OPA3: variants seen among roughly 807,000 people sequenced by gnomAD.
The protein encoded by OPA3 is outer mitochondrial membrane lipid metabolism regulator OPA3.
In OPA3, 6 loss-of-function variants were observed where a neutral mutation model predicts 4.0. The ratio of observed to expected loss-of-function variants is 1.51; its 90% confidence interval spans 0.83 to 2.99. The LOEUF is 2.99. Ranked by LOEUF, OPA3 falls within the 30% of genes most tolerant of loss-of-function variation. OPA3 has a pLI of 0.00. For missense variants in OPA3, 235 were observed against 256.2 expected (o/e 0.92, Z 0.56); for synonymous variants, 105 against 117.1 (o/e 0.90, Z 0.67).
Position 45,550,585 on chromosome 19 carries a change from AG to A in OPA3, c.*2928del, listed in dbSNP as rs1405744869. ...TACTACTTCACCACCCTGGGCAGTC[AG>A]CCCCTCACTGGCTGTGGCATCTCTG... On this transcript the variant is annotated 3_prime_UTR_variant, in exon 2 of 2. Coordinates refer to ENST00000263275, the MANE Select transcript of OPA3 (RefSeq NM_025136.4). 4 of 985,998 alleles carry A rather than the reference AG, an allele frequency of 4.1e-6. No individual in the cohort carries two copies. The highest frequency in any genetic ancestry group is 2.4e-6 in the Non-Finnish European group (2 of 830,464). The allele number at this position is 985,998 out of a possible 1,614,324, so 61.1% of individuals were successfully genotyped here.
chr19:45,573,348 G>A (rs568970202), intron 1 of OPA3, among the ~76,000 whole-genome samples: 21 of 152,188 alleles, frequency 1.4e-4, no homozygotes, highest in Admixed American at 1.1e-3. Context: ...CTACTCGGGA[G>A]GCTGAGACAG....
downstream of OPA3, among the ~76,000 whole-genome samples, chr19:45,543,302 C>A (rs546324374): frequency 1.3e-5 from 2 of 148,798 alleles, no homozygotes; most frequent in Non-Finnish European, 3.0e-5. Context: ...TGAGCCACCA[C>A]AACTGGCCTA....
intron 1 of OPA3, among the ~76,000 whole-genome samples, chr19:45,567,110 G>A (rs1048838787): frequency 6.6e-6 from 1 of 151,986 alleles, no homozygotes; most frequent in Non-Finnish European, 1.5e-5. Context: ...GAGGCCAAGC[G>A]GTGAGGATCA....
chr19:45,538,100 CAAAA>C (rs1178598021), intron 1 of OPA3, among the ~76,000 whole-genome samples: 1 of 38,174 alleles, frequency 2.6e-5, no homozygotes, highest in Non-Finnish European at 5.3e-5. Flanking sequence ...GGCTCCATAT[CAAAA>C]AAAAAAAAAA....
chr19:45,576,222 C>T (rs550250289), intron 1 of OPA3, among the ~76,000 whole-genome samples: 5 of 150,828 alleles, frequency 3.3e-5, no homozygotes, highest in African/African-American at 1.2e-4. Context: ...GACCCCCTCT[C>T]AAAAAACAAA....
In OPA3 at chr19:45,548,670, T is replaced by A. The variant is rs1231027263; in HGVS notation, c.*4844A>T. On this transcript the variant is annotated 3_prime_UTR_variant, in exon 2 of 2. Transcript: ENST00000263275. ...GTGTTTTATTTTTTTTATTTTTTTT[T>A]TTTTTGCGGGAGACGCCCTACCAAG... 24 of 983,792 alleles carry A rather than the reference T, an allele frequency of 2.4e-5. No individual in the cohort carries two copies. Among genetic ancestry groups the A allele is most frequent in the Non-Finnish European group, 2.8e-5 (23 of 828,856 alleles). 60.9% of individuals were successfully genotyped at this position (983,792 alleles called of 1,614,324 possible). A position where few individuals can be genotyped will look rare whatever the true frequency, so the allele number is the denominator to read the frequency against.
intron 1 of OPA3, among the ~76,000 whole-genome samples, chr19:45,580,891 C>A (rs992422872): frequency 6.6e-6 from 1 of 152,062 alleles, no homozygotes; most frequent in African/African-American, 2.4e-5. Context: ...GCTGGGATTA[C>A]AGGCATGAGC....
At chr19:45,572,202 T>G (rs1009482405) in intron 1 of OPA3, among the ~76,000 whole-genome samples, 8 of 144,440 alleles carry the variant, frequency 5.5e-5, no homozygotes, top group South Asian at 2.1e-4. Flanking sequence ...ATATATGAGA[T>G]ATATATATAT....
chr19:45,580,916 C>G (rs1173324845), intron 1 of OPA3, among the ~76,000 whole-genome samples: 1 of 152,074 alleles, frequency 6.6e-6, no homozygotes, highest in African/African-American at 2.4e-5. Flanking sequence ...GCGCCCAGCT[C>G]CAGAAGCCAT....
At chr19:45,556,631 G>A (rs994372579) in intron 1 of OPA3, among the ~76,000 whole-genome samples, 6 of 152,126 alleles carry the variant, frequency 3.9e-5, no homozygotes, top group African/African-American at 7.2e-5. Flanking sequence ...GTACTGGGAC[G>A]ACAGGAGACA....
intron 1 of OPA3, among the ~76,000 whole-genome samples, chr19:45,568,206 T>C (rs1346258013): frequency 6.6e-6 from 1 of 152,108 alleles, no homozygotes; most frequent in African/African-American, 2.4e-5. Flanking sequence ...TATTTATTTT[T>C]TGAGACAGAG....
intron 1 of OPA3, among the ~76,000 whole-genome samples, chr19:45,575,875 G>C (rs1014067234): frequency 6.6e-6 from 1 of 152,068 alleles, no homozygotes; most frequent in East Asian, 1.9e-4. Context: ...TAAAGTGCTG[G>C]GATAACAGGC....
intron 1 of OPA3, among the ~76,000 whole-genome samples, chr19:45,563,913 C>T (rs1969542527): frequency 1.3e-5 from 2 of 150,386 alleles, no homozygotes; most frequent in Non-Finnish European, 3.0e-5. Context: ...TGGTCTTGAA[C>T]TCCTGAGCTC....
At chr19:45,575,443 A>G (rs887370532) in intron 1 of OPA3, among the ~76,000 whole-genome samples, 3 of 152,088 alleles carry the variant, frequency 2.0e-5, no homozygotes, top group African/African-American at 7.2e-5. Context: ...TATGTAGAAA[A>G]AGAAAACTGA....
rs1555735069 is a variant in OPA3, at chr19:45,570,981, G to GGGT, written c.142+13641_142+13642insACC. Among the ~76,000 whole-genome samples, 7 of 135,030 alleles carry GGGT rather than the reference G, an allele frequency of 5.2e-5. 1 individual carries two copies. Among genetic ancestry groups the GGGT allele is most frequent in the African/African-American group, 2.0e-4 (7 of 35,170 alleles). 88.6% of individuals were successfully genotyped at this position (135,030 alleles called of 152,430 possible). A position where few individuals can be genotyped will look rare whatever the true frequency, so the allele number is the denominator to read the frequency against. On this transcript the variant is annotated intron_variant, in intron 1 of 1. Coordinates refer to ENST00000263275, the MANE Select transcript of OPA3 (RefSeq NM_025136.4). ...TTTCGGTGACAGCAAAACTATTTGG[G>GGGT]GGGGGGGGGCATGAATAAATAAGTT...
intron 1 of OPA3, chr19:45,529,581 G>A: frequency 1.6e-6 from 2 of 1,239,668 alleles, no homozygotes; most frequent in Admixed American, 1.9e-5. Flanking sequence ...ACGCGTGCTG[G>A]CGGGGACGCC....
chr19:45,554,952 G>A (rs917847532), intron 1 of OPA3, among the ~76,000 whole-genome samples: 1 of 152,036 alleles, frequency 6.6e-6, no homozygotes, highest in Middle Eastern at 3.4e-3. Context: ...CACCATGCCC[G>A]TCTAATTTTT....
intron 1 of OPA3, among the ~76,000 whole-genome samples, chr19:45,565,608 C>T (rs923563121): frequency 3.9e-5 from 6 of 152,092 alleles, no homozygotes; most frequent in African/African-American, 7.2e-5. Flanking sequence ...CCAACCCGGG[C>T]GACAGAGTGA....
chr19:45,531,758 G>A (rs1298975993), intron 1 of OPA3, among the ~76,000 whole-genome samples: 1 of 152,214 alleles, frequency 6.6e-6, no homozygotes, highest in Non-Finnish European at 1.5e-5. Flanking sequence ...GTTCCACGAT[G>A]TGTAAAGGCA....
Sources: allele counts gnomAD v4.1 joint callset (sites outside exome capture counted in the v4.1 genomes callset), GRCh38; gene constraint gnomAD v4.1.1; transcripts MANE v1.5; gene names NCBI Gene and HGNC (gene_info 2026-07-23, HGNC 2026-07-21).